The following TMEM87B variants were observed in gnomAD, a reference collection of about 807,000 sequenced individuals.
The protein encoded by TMEM87B is transmembrane protein 87B.
TMEM87B carries 83 observed loss-of-function variants against 80.3 expected under a neutral mutation model. The observed-to-expected ratio is 1.03, with a 90% CI of 0.87 to 1.24. The LOEUF is 1.24. Ranked by LOEUF, TMEM87B falls within the 50% of genes most tolerant of loss-of-function variation. The pLI is 0.00. For synonymous variants in TMEM87B, 219 were observed against 230.5 expected (o/e 0.95, Z 0.45); for missense variants, 625 against 674.4 (o/e 0.93, Z 0.81).
At position 112,107,773 on chromosome 2, in the gene TMEM87B, T is replaced by A; in HGVS notation, c.1525-15T>A. ...GGTGATATTAAGCAAATGCTAAGTATAAATATTTCTACAGGATGAAGATTT... is the reference window on the plus strand; with the variant it reads ...GGTGATATTAAGCAAATGCTAAGTAAAAATATTTCTACAGGATGAAGATTT... On this transcript the variant is annotated splice_polypyrimidine_tract_variant and intron_variant, in intron 16 of 18. Coordinates refer to ENST00000283206, the MANE Select transcript of TMEM87B (RefSeq NM_032824.3). 6.5e-7 allele frequency: 1 copy of A among 1,543,648 alleles called. No individual in the cohort carries two copies. Among genetic ancestry groups the A allele is most frequent in the South Asian group, 1.2e-5 (1 of 84,678 alleles).
intron 11 of TMEM87B, among the ~76,000 whole-genome samples, chr2:112,092,676 C>T (rs1261442945): frequency 5.9e-5 from 9 of 152,060 alleles, no homozygotes; most frequent in Non-Finnish European, 1.3e-4. Flanking sequence ...TGGAAGAGAG[C>T]AGGTTCAGAG....
intron 4 of TMEM87B, among the ~76,000 whole-genome samples, chr2:112,073,665 C>T (rs1336064111): frequency 6.6e-6 from 1 of 152,084 alleles, no homozygotes; most frequent in Non-Finnish European, 1.5e-5. Flanking sequence ...TAATTTTATG[C>T]CTCAGTGATC....
At chr2:112,097,968 T>G (rs536496593) in intron 13 of TMEM87B, among the ~76,000 whole-genome samples, 113 of 151,788 alleles carry the variant, frequency 7.4e-4, no homozygotes, top group African/African-American at 2.4e-3. Flanking sequence ...GTATGGGCAT[T>G]CGAGCGATGT....
Position 112,116,645 on chromosome 2 carries a change from A to C in TMEM87B, c.*502A>C, listed in dbSNP as rs970696935. ...TACTGAAGTGATTTGATATTAAGTA[A>C]AACAGTTAATGTTTGAATATAGGCA... On this transcript the variant is annotated 3_prime_UTR_variant, in exon 19 of 19. Coordinates refer to ENST00000283206, the MANE Select transcript of TMEM87B (RefSeq NM_032824.3). 6.6e-6 allele frequency: 1 copy of C among 152,234 alleles called. No homozygotes were observed. The highest frequency in any genetic ancestry group is 1.5e-5 in the Non-Finnish European group (1 of 68,100). The allele number at this position is 152,234 out of a possible 1,614,324, so 9.4% of individuals were successfully genotyped here. A position where few individuals can be genotyped will look rare whatever the true frequency, so the allele number is the denominator to read the frequency against.
At chr2:112,057,014 C>G (rs1558824565) in intron 1 of TMEM87B, among the ~76,000 whole-genome samples, 1 of 152,188 alleles carries the variant, frequency 6.6e-6, no homozygotes, top group Non-Finnish European at 1.5e-5. Flanking sequence ...TAGATCTTTG[C>G]TAAGTGTACT....
intron 2 of TMEM87B, among the ~76,000 whole-genome samples, chr2:112,061,685 C>G (rs1240114865): frequency 6.6e-6 from 1 of 152,140 alleles, no homozygotes; most frequent in Non-Finnish European, 1.5e-5. Context: ...GCCACTGAAA[C>G]AGAATTTGAT....
chr2:112,102,008 T>A (rs1360071195), intron 15 of TMEM87B, among the ~76,000 whole-genome samples: 2 of 152,180 alleles, frequency 1.3e-5, no homozygotes, highest in Non-Finnish European at 2.9e-5. Flanking sequence ...TAAAAAAAAT[T>A]TTTTTAATTT....
intron 2 of TMEM87B, among the ~76,000 whole-genome samples, chr2:112,061,670 C>T (rs1322214290): frequency 3.3e-5 from 5 of 152,116 alleles, no homozygotes; most frequent in Non-Finnish European, 1.5e-5. Flanking sequence ...AAAAAAGTAA[C>T]GTCAGCCACT....
At chr2:112,067,175 C>T in intron 4 of TMEM87B, 108 bp downstream of exon 4, 3 of 1,415,096 alleles carry the variant, frequency 2.1e-6, no homozygotes, top group African/African-American at 1.5e-5. Context: ...ATCTGACTTG[C>T]CATGTTAAAA....
At chr2:112,080,329 G>A (rs755297045) in intron 6 of TMEM87B, among the ~76,000 whole-genome samples, 5 of 151,288 alleles carry the variant, frequency 3.3e-5, no homozygotes, top group Admixed American at 6.6e-5. Flanking sequence ...GCGTGATCTC[G>A]GCTCACTGCA....
intron 2 of TMEM87B, among the ~76,000 whole-genome samples, chr2:112,061,286 A>G (rs1218928904): frequency 6.6e-6 from 1 of 152,220 alleles, no homozygotes; most frequent in Non-Finnish European, 1.5e-5. Flanking sequence ...ATTGGTTGCC[A>G]GAGTTAAAGT....
At chr2:112,110,737 C>A (rs932331571) in intron 17 of TMEM87B, among the ~76,000 whole-genome samples, 2 of 152,098 alleles carry the variant, frequency 1.3e-5, no homozygotes, top group Non-Finnish European at 2.9e-5. Context: ...CCACCGCCCC[C>A]CCCAACTTTT....
chr2:112,082,227 A>G (rs1434925375), intron 8 of TMEM87B, among the ~76,000 whole-genome samples: 2 of 152,154 alleles, frequency 1.3e-5, no homozygotes, highest in African/African-American at 4.8e-5. Context: ...GTTACAAATG[A>G]TCTTGGTGCA....
Position 112,098,661 on chromosome 2 carries a change from A to C in TMEM87B, c.1339A>C (p.Ile447Leu). 1 of 1,614,142 alleles carries C rather than the reference A, an allele frequency of 6.2e-7. No individual in the cohort carries two copies. Among genetic ancestry groups the C allele is most frequent in the Non-Finnish European group, 8.5e-7 (1 of 1,180,024 alleles). Residue 447 changes from isoleucine to leucine, a missense_variant, in exon 14 of 19, where the codon ATC (isoleucine) becomes CTC (leucine). By Grantham distance (5) the Ile-to-Leu change is conservative. Transcript: ENST00000283206. ...CCTTTTTTCGCTTATCCTTATTGTA[A>C]TCATGTTTTTGTGGAGACCATCAGC... is the stretch of plus-strand genomic sequence containing the variant. ...SFLFSLILIV[I>L]MFLWRPSANN...
rs1678019876 is a variant in TMEM87B, at chr2:112,055,616, G to A, written c.25G>A (p.Ala9Thr). The A allele has an allele frequency of 3.3e-6, 5 of 1,536,426 alleles. No individual in the cohort carries two copies. Among genetic ancestry groups the A allele is most frequent in the Admixed American group, 4.0e-5 (2 of 50,212 alleles). Reference sequence around the variant, plus strand: ...GATGGTCGCCGCCTGCCGCTCGGTAGCCGGGCTCCTGCCACGCCGCCGCCG... The same window carrying A: ...GATGGTCGCCGCCTGCCGCTCGGTAACCGGGCTCCTGCCACGCCGCCGCCG... MVAACRSV[A>T]GLLPRRRRCF... The change falls in exon 1 of 19, where the codon GCC becomes ACC. Residue 9 changes from alanine (A) to threonine (T), a missense_variant. Transcript: ENST00000283206.
In TMEM87B at chr2:112,118,656, T is replaced by A. The variant is rs1460418512; in HGVS notation, c.*2513T>A. 2 of 152,170 alleles carry A rather than the reference T, an allele frequency of 1.3e-5. No homozygotes were observed. The highest frequency in any genetic ancestry group is 2.9e-5 in the Non-Finnish European group (2 of 68,026). 9.4% of individuals were successfully genotyped at this position (152,170 alleles called of 1,614,324 possible). On this transcript the variant is annotated 3_prime_UTR_variant, in exon 19 of 19. Transcript: ENST00000283206. ...TTTAAGCCTGAGAGATGATAGAATG[T>A]TCCCATATTTTTCTTGTAAAGAAAA...
chr2:112,056,137 C>T (rs1462800696), intron 1 of TMEM87B, among the ~76,000 whole-genome samples: 1 of 152,082 alleles, frequency 6.6e-6, no homozygotes, highest in Non-Finnish European at 1.5e-5. Context: ...CGGATGCAGC[C>T]ACAGTGGGCC....
chr2:112,059,294 G>A (rs1678173570), intron 1 of TMEM87B, among the ~76,000 whole-genome samples: 1 of 152,022 alleles, frequency 6.6e-6, no homozygotes, highest in Non-Finnish European at 1.5e-5. Context: ...AAGAAGAAAG[G>A]GTGCTAGGGA....
chr2:112,115,647 C>T (rs191741477), intron 18 of TMEM87B, among the ~76,000 whole-genome samples: 1 of 152,226 alleles, frequency 6.6e-6, no homozygotes, highest in Admixed American at 6.5e-5. Context: ...ATGAGCTAGG[C>T]CTAAGAAATC....
Sources: allele counts gnomAD v4.1 joint callset (sites outside exome capture counted in the v4.1 genomes callset), GRCh38; gene constraint gnomAD v4.1.1; transcripts MANE v1.5; gene names NCBI Gene and HGNC (gene_info 2026-07-23, HGNC 2026-07-21).